Variants in FERRY3 observed in about 807,000 individuals in gnomAD.
The protein encoded by FERRY3 is FERRY endosomal RAB5 effector complex subunit 3, also known as protein C12orf4.
the FERRY3 span, among the ~76,000 whole-genome samples, chr12:4,531,698 G>A: frequency 3.3e-5 from 5 of 152,126 alleles, no homozygotes; most frequent in African/African-American, 4.8e-5. Context: ...CTTCTTTGAG[G>A]TTCAAACCAT....
chr12:4,536,271 T>C, the FERRY3 span: 1 of 996,254 alleles, frequency 1.0e-6, no homozygotes, highest in African/African-American at 1.7e-5. Context: ...TGTTTCATTA[T>C]TGCTGTCCCA....
chr12:4,504,850 C>G, the FERRY3 span, among the ~76,000 whole-genome samples: 1 of 152,124 alleles, frequency 6.6e-6, no homozygotes, highest in Admixed American at 6.5e-5. Context: ...CGCTTGTAAT[C>G]CCAGTACTTT....
At chr12:4,525,294 G>T in the FERRY3 span, 1 of 1,613,580 alleles carries the variant, frequency 6.2e-7, no homozygotes, top group South Asian at 1.1e-5. Flanking sequence ...TCTTGGTGAA[G>T]TTTTATTACC....
the FERRY3 span, among the ~76,000 whole-genome samples, chr12:4,503,416 G>C: frequency 2.0e-5 from 3 of 152,136 alleles, no homozygotes; most frequent in Non-Finnish European, 4.4e-5. Flanking sequence ...AGGTTATTAT[G>C]AGAATTAGAT....
the FERRY3 span, among the ~76,000 whole-genome samples, chr12:4,494,049 C>T: frequency 1.9e-4 from 29 of 152,148 alleles, no homozygotes; most frequent in South Asian, 4.1e-4. Flanking sequence ...GCTGAGATCA[C>T]GCCACTGTAC....
At chr12:4,530,189 T>C in the FERRY3 span, 3 of 705,720 alleles carry the variant, frequency 4.3e-6, no homozygotes, top group African/African-American at 3.8e-5. Flanking sequence ...TGTGTAAATA[T>C]ATGTGTGTGT....
the FERRY3 span, among the ~76,000 whole-genome samples, chr12:4,515,744 A>G: frequency 6.6e-6 from 1 of 152,182 alleles, no homozygotes. Context: ...CAATGTGATT[A>G]TATTTAACAA....
chr12:4,491,108 G>T, the FERRY3 span: 1 of 1,393,222 alleles, frequency 7.2e-7, no homozygotes, highest in South Asian at 1.2e-5. Flanking sequence ...TCTCTCTTCT[G>T]GGTTGCTCTA....
the FERRY3 span, chr12:4,500,049 G>A: frequency 3.1e-6 from 4 of 1,281,632 alleles, no homozygotes; most frequent in Non-Finnish European, 4.4e-6. Context: ...TTAAAAAAAT[G>A]TAAAGTGGAT....
the FERRY3 span, among the ~76,000 whole-genome samples, chr12:4,521,169 G>A: frequency 6.6e-6 from 1 of 152,110 alleles, no homozygotes; most frequent in Non-Finnish European, 1.5e-5. Flanking sequence ...GACCAGCCTG[G>A]CCAACATGGT....
At chr12:4,506,697 TAGTA>T in the FERRY3 span, among the ~76,000 whole-genome samples, 9 of 152,168 alleles carry the variant, frequency 5.9e-5, no homozygotes, top group African/African-American at 1.4e-4. Context: ...TGTTTAGTAA[TAGTA>T]AGAAGATGGC....
chr12:4,498,319 A>G, the FERRY3 span, among the ~76,000 whole-genome samples: 1 of 152,304 alleles, frequency 6.6e-6, no homozygotes, highest in South Asian at 2.1e-4. Context: ...TTCATCATAA[A>G]CTTTGTTACT....
At chr12:4,511,913 GAC>G in the FERRY3 span, among the ~76,000 whole-genome samples, 1 of 97,584 alleles carries the variant, frequency 1.0e-5, no homozygotes, top group African/African-American at 5.3e-5. Flanking sequence ...AGGAAATAGA[GAC>G]ACAAAAAACC....
At chr12:4,518,735 T>C in the FERRY3 span, 1 of 1,121,936 alleles carries the variant, frequency 8.9e-7, no homozygotes, top group South Asian at 1.5e-5. Context: ...TTTCAGAAGT[T>C]ACAATAAATT....
chr12:4,496,075 A>AAC, the FERRY3 span, among the ~76,000 whole-genome samples: 38 of 152,138 alleles, frequency 2.5e-4, no homozygotes, highest in African/African-American at 7.9e-4. Context: ...CACGCACACA[A>AAC]ACACACACAC....
At chr12:4,496,129 G>A in the FERRY3 span, among the ~76,000 whole-genome samples, 1 of 152,140 alleles carries the variant, frequency 6.6e-6, no homozygotes, top group Admixed American at 6.5e-5. Context: ...TGCCTCCATA[G>A]AGACTCCACC....
At chr12:4,528,703 T>C in the FERRY3 span, among the ~76,000 whole-genome samples, 2 of 152,014 alleles carry the variant, frequency 1.3e-5, no homozygotes, top group African/African-American at 2.4e-5. Context: ...CAGAAGAGAG[T>C]ATCCCTCAGG....
chr12:4,498,566 G>A, the FERRY3 span, among the ~76,000 whole-genome samples: 2 of 152,118 alleles, frequency 1.3e-5, no homozygotes, highest in Admixed American at 6.5e-5. Context: ...AAACAACAAC[G>A]TGCCTGGTAA....
the FERRY3 span, chr12:4,505,400 A>C: frequency 6.7e-7 from 1 of 1,500,546 alleles, no homozygotes; most frequent in Non-Finnish European, 9.2e-7. Context: ...AGACAATGCA[A>C]TATGAAAGAA....
Sources: allele counts gnomAD v4.1 joint callset (sites outside exome capture counted in the v4.1 genomes callset), GRCh38; gene constraint gnomAD v4.1.1; transcripts MANE v1.5; gene names NCBI Gene and HGNC (gene_info 2026-07-23, HGNC 2026-07-21).